The following FLNC variants were observed in gnomAD, a reference collection of about 807,000 sequenced individuals.
FLNC encodes filamin C, also known as filamin-C.
A neutral mutation model predicts 254.3 loss-of-function variants in FLNC; 91 were observed. The ratio of observed to expected loss-of-function variants is 0.36; its 90% confidence interval spans 0.30 to 0.43. The LOEUF (loss-of-function observed/expected upper bound fraction) is 0.43. Among genes scored for constraint, FLNC ranks in the 20% least tolerant of loss-of-function variants. FLNC has a pLI of 1.00. For missense variants in FLNC, 2,853 were observed against 3,802.6 expected, an observed-to-expected ratio of 0.75 and a Z score of 6.57; for synonymous variants, 1,430 against 1,577.2, an observed-to-expected ratio of 0.91 and a Z score of 2.21.
At position 128,857,990 on chromosome 7, in the gene FLNC, C is replaced by T. The variant is rs561159906; in HGVS notation, c.7781-18C>T. On this transcript the variant is annotated intron_variant, in intron 46 of 47. Transcript: ENST00000325888. This position sits in a 1 kb window ranked among gnomAD's most constrained non-coding sequence, Gnocchi z 4.5. ...AGCCCTTCTGACTAGGTTTGTGCCC[C>T]CTCCACCCACCCCTCAGGTCCGAGG... The T allele has an allele frequency of 2.5e-5, 37 of 1,476,666 alleles. 1 individual carries two copies. The South Asian group carries it at 4.4e-4, about 18-fold the overall frequency. The allele number at this position is 1,476,666 out of a possible 1,614,324, so 91.5% of individuals were successfully genotyped here.
chr7:128,837,618 C>T lies in FLNC; in HGVS notation c.851-19C>T. 1 of 1,613,004 alleles carries T rather than the reference C, an allele frequency of 6.2e-7. No individual in the cohort carries two copies. Among genetic ancestry groups the T allele is most frequent in the Non-Finnish European group, 8.5e-7 (1 of 1,179,968 alleles). ...GTAGGCTCTCCCTGAGTAACCTGGG[C>T]TCTGCTCCTGCCCCGTAGGCATCGA... On this transcript the variant is annotated intron_variant, in intron 4 of 47. Transcript: ENST00000325888.
In FLNC at chr7:128,850,080, G is replaced by A. The variant is rs373553314; in HGVS notation, c.5298+6G>A. On this transcript the variant is annotated splice_donor_region_variant and intron_variant, in intron 31 of 47. Transcript: ENST00000325888. ...GCGCCCGCCCCACACACTGGGTACTGCGCCTCCCACCAGGCGATGTCCTCC... is the reference window on the plus strand; with the variant it reads ...GCGCCCGCCCCACACACTGGGTACTACGCCTCCCACCAGGCGATGTCCTCC... 379 of 1,531,486 alleles carry A rather than the reference G, an allele frequency of 2.5e-4. No individual in the cohort carries two copies. The highest frequency in any genetic ancestry group is 3.2e-4 in the Non-Finnish European group (361 of 1,140,716). The allele number at this position is 1,531,486 out of a possible 1,614,324, so 94.9% of individuals were successfully genotyped here.
In FLNC at chr7:128,838,266, G is replaced by C. The variant is rs1384678533; in HGVS notation, c.1048-1G>C. 6.2e-7 allele frequency: 1 copy of C among 1,613,938 alleles called. No individual in the cohort carries two copies. Among genetic ancestry groups the C allele is most frequent in the Non-Finnish European group, 8.5e-7 (1 of 1,179,940 alleles). On this transcript the variant is annotated splice_acceptor_variant, in intron 6 of 47. Coordinates refer to ENST00000325888, the MANE Select transcript of FLNC (RefSeq NM_001458.5). LOFTEE classifies it high-confidence loss of function. ...GCTAACCTTTGACCTCTGACCCCTA[G>C]GTGACCGTGCTCTTTGCTGGCCAGA...
In FLNC at chr7:128,848,982, G is replaced by T; in HGVS notation, c.4927G>T (p.Val1643Leu). ...TGDASKCLVT[V>L]SIGGHGLGAC... is the part of the protein sequence containing the mutation. ...GGATGCCAGCAAGTGCCTCGTCACA[G>T]GTGGGTGCCCACCCGCTGCCCGTGC... The change falls in exon 28 of 48, where the codon GTG becomes TTG. Residue 1643 changes from valine (V) to leucine (L), a missense_variant and splice_region_variant. Coordinates refer to ENST00000325888, the MANE Select transcript of FLNC (RefSeq NM_001458.5). 6.2e-7 allele frequency: 1 copy of T among 1,611,044 alleles called. No homozygotes were observed. Among genetic ancestry groups the T allele is most frequent in the Non-Finnish European group, 8.5e-7 (1 of 1,178,658 alleles).
chr7:128,849,873 C>A, intron 30 of FLNC, 103 bp from the exon 31 acceptor site: 1 of 910,978 alleles, frequency 1.1e-6, no homozygotes, highest in Non-Finnish European at 1.7e-6. Context: ...GGATGAACAC[C>A]CAAATTATCA....
chr7:128,843,216 C>T lies in FLNC; in HGVS notation c.2551-13C>T, dbSNP rs1808412843. ...CCCCTCGAGAGCCCTGACTGAGCCT[C>T]CTCCACATCCAGGAGATCCCCGCCA... On this transcript the variant is annotated splice_polypyrimidine_tract_variant and intron_variant, in intron 16 of 47. Transcript: ENST00000325888. 1.3e-6 allele frequency: 2 copies of T among 1,580,424 alleles called. No individual in the cohort carries two copies. Among genetic ancestry groups the T allele is most frequent in the Non-Finnish European group, 1.7e-6 (2 of 1,162,356 alleles).
intron 9 of FLNC, 106 bp from the exon 10 acceptor site, chr7:128,840,442 C>T: frequency 6.7e-7 from 1 of 1,494,414 alleles, no homozygotes; most frequent in Non-Finnish European, 9.3e-7. Context: ...TACAGCACTG[C>T]CCTCGGGCTG....
intron 27 of FLNC, 23 bp downstream of exon 27, chr7:128,848,740 C>T: frequency 6.2e-7 from 1 of 1,614,032 alleles, no homozygotes; most frequent in South Asian, 1.1e-5. Flanking sequence ...GCATCCCACC[C>T]CGCAGGTCAT....
In FLNC at chr7:128,836,013, A is replaced by G. The variant is rs1195594783; in HGVS notation, c.601+439A>G. On this transcript the variant is annotated intron_variant, in intron 2 of 47. Transcript: ENST00000325888. This position sits in a 1 kb window ranked among gnomAD's most constrained non-coding sequence, Gnocchi z 6.0. The stretch of plus-strand genomic sequence containing the variant: ...TGTAGCAAGACCAGGAGTTAGATCC[A>G]GAGAAGGCTCTTCTCTGGGAGACCC... Among the ~76,000 whole-genome samples, 1 of 152,210 alleles carries G rather than the reference A, an allele frequency of 6.6e-6. No homozygotes were observed.
chr7:128,840,213 A>G, intron 9 of FLNC, 53 bp downstream of exon 9: 1 of 1,601,940 alleles, frequency 6.2e-7, no homozygotes, highest in Non-Finnish European at 8.5e-7. Context: ...TCATAAGGGA[A>G]GTATGGCCAG....
rs756021559 is a variant in FLNC at position 128,847,967 on chromosome 7, G to A, written c.4479G>A (p.Val1493=). The change falls in exon 26 of 48, where the codon GTG becomes GTA. Residue 1493 remains valine, a synonymous_variant. Coordinates refer to ENST00000325888, the MANE Select transcript of FLNC (RefSeq NM_001458.5). The part of the protein sequence containing the change: ...GPTGVAEPVE[V]RDNGDGTHTV... ...CAGGTGTGGCCGAGCCTGTGGAGGT[G>A]CGGGACAATGGAGATGGCACCCACA... 2.2e-5 allele frequency: 36 copies of A among 1,613,298 alleles called. No homozygotes were observed. Among genetic ancestry groups the A allele is most frequent in the Admixed American group, 3.3e-5 (2 of 59,920 alleles).
chr7:128,856,885 T>A lies in FLNC; in HGVS notation c.7525T>A (p.Ser2509Thr). The A allele has an allele frequency of 6.2e-7, 1 of 1,614,186 alleles. No individual in the cohort carries two copies. The highest frequency in any genetic ancestry group is 8.5e-7 in the Non-Finnish European group (1 of 1,180,046). ...CCAGGCTGGGGACCCAGGCTTGGTG[T>A]CAGCCTACGGTCCTGGGCTCGAGGG... ...QSQAGDPGLV[S>T]AYGPGLEGGT... Residue 2509 changes from serine (S) to threonine (T), a missense_variant, in exon 45 of 48, where the codon TCA becomes ACA. By Grantham distance (58) the Ser-to-Thr change is moderately conservative. Coordinates refer to ENST00000325888, the MANE Select transcript of FLNC (RefSeq NM_001458.5). The surrounding 1 kb of genome is among the most constrained non-coding windows in gnomAD (Gnocchi z 5.9).
intron 43 of FLNC, 34 bp downstream of exon 43, chr7:128,855,348 C>A (rs778247509): frequency 7.3e-7 from 1 of 1,374,036 alleles, no homozygotes; most frequent in Non-Finnish European, 1.0e-6. Context: ...AGGGTTTCTG[C>A]TATCTGAGAG....
At position 128,836,889 on chromosome 7, in the gene FLNC, G is replaced by A. The variant is rs1261250274; in HGVS notation, c.602-271G>A. ...GTTCAAGGTCTGAGCTGGGGCCTGG[G>A]CAGGCAGGAGGCCGGCCAGCAGGGC... On this transcript the variant is annotated intron_variant, in intron 2 of 47. Transcript: ENST00000325888. The surrounding 1 kb of genome is among the most constrained non-coding windows in gnomAD (Gnocchi z 6.0). Among the ~76,000 whole-genome samples, 1 of 152,338 alleles carries A rather than the reference G, an allele frequency of 6.6e-6. No individual in the cohort carries two copies. Among genetic ancestry groups the A allele is most frequent in the South Asian group, 2.1e-4 (1 of 4,826 alleles).
rs778594252 is a variant in FLNC, at chr7:128,842,796, G to A, written c.2392G>A (p.Asp798Asn). The A allele has an allele frequency of 5.8e-5, 93 of 1,613,406 alleles. 1 individual carries two copies. The Admixed American group carries it at 1.0e-3, about 18-fold the overall frequency. The change falls in exon 16 of 48, where the codon GAC becomes AAC. Residue 798 changes from aspartate (D) to asparagine (N), a missense_variant and splice_region_variant. This residue lies in a region of FLNC where 1,573 missense variants were observed against 1,883.5 expected (regional missense o/e 0.84). Transcript: ENST00000325888. This position sits in a 1 kb window ranked among gnomAD's most constrained non-coding sequence, Gnocchi z 5.4. ...CAGCAGTGCCCGCTTCTCTGCAGGC[G>A]ACGTGAGCATCGGCATCAAGTGCGC... ...TVDCSEAGQG[D>N]VSIGIKCAPG... is the part of the protein sequence containing the mutation.
chr7:128,856,650 G>A lies in FLNC; in HGVS notation c.7384G>A (p.Asp2462Asn). 2 of 1,613,236 alleles carry A rather than the reference G, an allele frequency of 1.2e-6. No individual in the cohort carries two copies. The highest frequency in any genetic ancestry group is 1.7e-6 in the Non-Finnish European group (2 of 1,180,014). ...GTGCTACGTCTCTGAGCTGGACAGT[G>A]GTGAGCTGGCCCTGCCCCTGCCAAC... Reference protein sequence around the residue: ...EECYVSELDSDKHTIRFIPHE... With the variant: ...EECYVSELDSNKHTIRFIPHE... Residue 2462 changes from aspartate to asparagine, a missense_variant and splice_region_variant, in exon 44 of 48, where the codon GAC becomes AAC. Physicochemically the swap from Asp to Asn is conservative, Grantham distance 23 (BLOSUM62 1). Coordinates refer to ENST00000325888, the MANE Select transcript of FLNC (RefSeq NM_001458.5). This position sits in a 1 kb window ranked among gnomAD's most constrained non-coding sequence, Gnocchi z 5.9.
intron 28 of FLNC, 87 bp from the exon 29 acceptor site, chr7:128,849,094 A>G (rs2080888493): frequency 2.5e-6 from 4 of 1,578,658 alleles, no homozygotes; most frequent in Non-Finnish European, 3.5e-6. Flanking sequence ...CACATGCCCT[A>G]GCCCTGGCCC....
chr7:128,853,941 C>T (rs1176010343), intron 39 of FLNC, 33 bp from the exon 40 acceptor site: 1 of 1,613,184 alleles, frequency 6.2e-7, no homozygotes, highest in South Asian at 1.1e-5. Context: ...CCCCTCGCTT[C>T]CCTCCCTCAC....
intron 1 of FLNC, among the ~76,000 whole-genome samples, chr7:128,834,163 G>A: frequency 6.6e-6 from 1 of 152,218 alleles, no homozygotes. Flanking sequence ...CCCCCTTCCA[G>A]CCTCCTGAAA....
Sources: allele counts gnomAD v4.1 joint callset (sites outside exome capture counted in the v4.1 genomes callset), GRCh38; gene constraint gnomAD v4.1.1; regional missense constraint gnomAD v4.1.1; non-coding constraint Gnocchi (gnomAD v3.1); transcripts MANE v1.5; gene names NCBI Gene and HGNC (gene_info 2026-07-23, HGNC 2026-07-21).